The following MTA3 variants were observed in gnomAD, a reference collection of about 807,000 sequenced individuals.
The protein encoded by MTA3 is metastasis-associated protein MTA3.
In MTA3, 34 loss-of-function variants were observed where a neutral mutation model predicts 83.5. The observed-to-expected ratio is 0.41, with a 90% CI of 0.31 to 0.54. MTA3 has a LOEUF of 0.54. MTA3 is among the 20% of genes least tolerant of loss of function. The probability of loss-of-function intolerance (pLI) is 0.33; values close to 1 mark genes in which losing one functional copy is unlikely to be tolerated. For missense variants in MTA3, 761 were observed against 726.4 expected, an observed-to-expected ratio of 1.05 and a Z score of -0.55; for synonymous variants, 303 against 252.7, an observed-to-expected ratio of 1.20 and a Z score of -1.89.
chr2:42,513,749 G>A (rs1160789000), intron 2 of MTA3, among the ~76,000 whole-genome samples: 1 of 152,214 alleles, frequency 6.6e-6, no homozygotes, highest in Non-Finnish European at 1.5e-5. Flanking sequence ...GAATGAGGGA[G>A]AACTTAAAGG....
intron 6 of MTA3, among the ~76,000 whole-genome samples, chr2:42,647,049 G>T (rs1044206177): frequency 6.6e-6 from 1 of 150,416 alleles, no homozygotes; most frequent in African/African-American, 2.4e-5. Flanking sequence ...CCAGCTACTC[G>T]GGAGGCTGAG....
chr2:42,614,469 T>C (rs1684611819), intron 4 of MTA3, among the ~76,000 whole-genome samples: 1 of 152,222 alleles, frequency 6.6e-6, no homozygotes, highest in African/African-American at 2.4e-5. Context: ...TATCTTTTCA[T>C]TGTGCATTCA....
At chr2:42,644,984 G>C (rs1328440617) in intron 6 of MTA3, among the ~76,000 whole-genome samples, 3 of 152,104 alleles carry the variant, frequency 2.0e-5, no homozygotes, top group Non-Finnish European at 4.4e-5. Flanking sequence ...AGGAAAAGTA[G>C]CATGTCTCTC....
chr2:42,590,571 C>G (rs935118300), intron 3 of MTA3, among the ~76,000 whole-genome samples: 4 of 151,308 alleles, frequency 2.6e-5, no homozygotes, highest in African/African-American at 9.7e-5. Context: ...TATAGCAACC[C>G]AAAATGGACT....
At chr2:42,644,054 C>A in intron 5 of MTA3, 73 bp from the exon 6 acceptor site, 1 of 879,954 alleles carries the variant, frequency 1.1e-6, no homozygotes, top group Non-Finnish European at 1.7e-6. Context: ...TTCATTGTAG[C>A]AACATTGATT....
chr2:42,601,096 A>G (rs537111280), intron 3 of MTA3, among the ~76,000 whole-genome samples: 1 of 152,054 alleles, frequency 6.6e-6, no homozygotes, highest in South Asian at 2.1e-4. Flanking sequence ...TAGTAGAGAC[A>G]GGGTTTCACC....
At chr2:42,651,122 A>G (rs1197522058) in intron 6 of MTA3, among the ~76,000 whole-genome samples, 1 of 152,238 alleles carries the variant, frequency 6.6e-6, no homozygotes, top group East Asian at 1.9e-4. Flanking sequence ...TTGTGTATCT[A>G]AACATATCTA....
chr2:42,748,982 T>A (rs1026995205), intron 16 of MTA3, among the ~76,000 whole-genome samples: 4 of 152,232 alleles, frequency 2.6e-5, no homozygotes, highest in Non-Finnish European at 4.4e-5. Context: ...CAGGCCCCTT[T>A]AACTTCACAG....
At chr2:42,499,160 A>G (rs1674281062) in intron 2 of MTA3, among the ~76,000 whole-genome samples, 1 of 151,960 alleles carries the variant, frequency 6.6e-6, no homozygotes, top group East Asian at 1.9e-4. Context: ...GCATTTGCTA[A>G]GAGGGTAGAT....
At chr2:42,727,746 G>T (rs1667930572) in intron 16 of MTA3, among the ~76,000 whole-genome samples, 1 of 152,062 alleles carries the variant, frequency 6.6e-6, no homozygotes, top group Non-Finnish European at 1.5e-5. Flanking sequence ...GTAGAATACA[G>T]ATGACATTTG....
intron 2 of MTA3, among the ~76,000 whole-genome samples, chr2:42,574,143 T>G (rs1475057869): frequency 6.9e-6 from 1 of 145,126 alleles, no homozygotes; most frequent in Non-Finnish European, 1.5e-5. Context: ...GCTTTTTTTT[T>G]TTTTTTCTGA....
intron 16 of MTA3, among the ~76,000 whole-genome samples, chr2:42,746,448 C>A (rs1669439220): frequency 6.6e-6 from 1 of 152,160 alleles, no homozygotes; most frequent in African/African-American, 2.4e-5. Context: ...AGCAAGCAAT[C>A]AGTTTTGCAG....
intron 16 of MTA3, among the ~76,000 whole-genome samples, chr2:42,738,782 C>T (rs779317139): frequency 6.6e-6 from 1 of 152,172 alleles, no homozygotes; most frequent in Non-Finnish European, 1.5e-5. Context: ...AGGGGTAGCT[C>T]TCTGAACTGG....
chr2:42,719,777 A>G (rs1322104846), intron 15 of MTA3, among the ~76,000 whole-genome samples: 1 of 152,198 alleles, frequency 6.6e-6, no homozygotes, highest in East Asian at 1.9e-4. Context: ...ATCTCCAAAG[A>G]TGATAGCTCC....
chr2:42,496,620 A>T (rs1259790107), intron 2 of MTA3, among the ~76,000 whole-genome samples: 2 of 151,880 alleles, frequency 1.3e-5, no homozygotes, highest in African/African-American at 2.4e-5. Flanking sequence ...AAAAAAAAAA[A>T]AAAAAAAAGC....
intron 2 of MTA3, among the ~76,000 whole-genome samples, chr2:42,519,020 C>T (rs975096599): frequency 1.1e-5 from 1 of 92,196 alleles, no homozygotes; most frequent in Non-Finnish European, 2.2e-5. Flanking sequence ...CACACACACA[C>T]ACACACACAC....
chr2:42,656,345 TATAA>T (rs1200396362), intron 7 of MTA3, 43 bp downstream of exon 7: 10 of 1,277,868 alleles, frequency 7.8e-6, no homozygotes, highest in Non-Finnish European at 1.1e-5. Flanking sequence ...AATTTCTTTA[TATAA>T]AAGAATTTAT....
chr2:42,548,581 C>T (rs1676866856), intron 2 of MTA3, among the ~76,000 whole-genome samples: 1 of 149,788 alleles, frequency 6.7e-6, no homozygotes, highest in South Asian at 2.1e-4. Flanking sequence ...TGCTTGAGCC[C>T]GGGAGTTCAA....
At chr2:42,501,989 A>T (rs551018592) in intron 2 of MTA3, among the ~76,000 whole-genome samples, 6 of 152,264 alleles carry the variant, frequency 3.9e-5, no homozygotes, top group African/African-American at 1.2e-4. Flanking sequence ...CTCAAAAATT[A>T]AAATTAAAAT....
Sources: allele counts gnomAD v4.1 joint callset (sites outside exome capture counted in the v4.1 genomes callset), GRCh38; gene constraint gnomAD v4.1.1; transcripts MANE v1.5; gene names NCBI Gene and HGNC (gene_info 2026-07-23, HGNC 2026-07-21).